Variants in ZNF177 observed in about 807,000 individuals in gnomAD.
ZNF177 encodes zinc finger protein 177.
In ZNF177, 17 loss-of-function variants were observed where a neutral mutation model predicts 19.4. That is an observed-to-expected ratio of 0.87 (90% confidence interval 0.60 to 1.31). The LOEUF (loss-of-function observed/expected upper bound fraction) is 1.31. Among genes scored for constraint, ZNF177 ranks in the 40% most tolerant of loss-of-function variants. ZNF177 has a pLI of 0.00. For missense variants in ZNF177, 633 were observed against 561.8 expected, an observed-to-expected ratio of 1.13 and a Z score of -1.28; for synonymous variants, 220 against 188.7, an observed-to-expected ratio of 1.17 and a Z score of -1.36.
At chr19:9,372,540 CTTTTTT>C (rs61321271), upstream of ZNF177, among the ~76,000 whole-genome samples, 3 of 84,572 alleles carry the variant, frequency 3.5e-5, no homozygotes, top group South Asian at 4.7e-4. Flanking sequence ...CTTTCTTTTC[CTTTTTT>C]TTTTTTTTTT....
At chr19:9,369,029 A>G (rs1357786431) in intron 2 of ZNF177, among the ~76,000 whole-genome samples, 1 of 152,090 alleles carries the variant, frequency 6.6e-6, no homozygotes, top group Non-Finnish European at 1.5e-5. Flanking sequence ...GATGTTTTAT[A>G]TACCAAATTT....
upstream of ZNF177, among the ~76,000 whole-genome samples, chr19:9,372,823 A>T (rs2122518953): frequency 6.6e-6 from 1 of 152,244 alleles, no homozygotes; most frequent in Non-Finnish European, 1.5e-5. Flanking sequence ...CTGAGATGAC[A>T]GGCGTGAGCC....
Position 9,380,152 on chromosome 19 carries a change from A to AG in ZNF177, c.336+15dup. The AG allele has an allele frequency of 1.9e-6, 3 of 1,599,692 alleles. No homozygotes were observed. Among genetic ancestry groups the AG allele is most frequent in the Non-Finnish European group, 1.7e-6 (2 of 1,176,422 alleles). ...TGGCATAAACACGGTAAGACTTACT[A>AG]GGAAGTATTCCTGGTCTTTGTAGTA... On this transcript the variant is annotated intron_variant, in intron 5 of 5. Transcript: ENST00000589262.
rs1049648983 is a variant in ZNF177, at chr19:9,380,512, A to G, written c.337-156A>G. The G allele has an allele frequency of 1.6e-5, 24 of 1,460,242 alleles. No homozygotes were observed. The African/African-American group carries it at 3.2e-4, about 20-fold the overall frequency. 90.5% of individuals were successfully genotyped at this position (1,460,242 alleles called of 1,614,324 possible). A position where few individuals can be genotyped will look rare whatever the true frequency, so the allele number is the denominator to read the frequency against. On this transcript the variant is annotated intron_variant, in intron 5 of 5. Coordinates refer to ENST00000589262, the Ensembl canonical transcript of ZNF177. ...GAGCTTATTCAACTCGAAAAAGCTAATAGGGCAAAAGTCATACGCACCTAC... is the reference window on the plus strand; with the variant it reads ...GAGCTTATTCAACTCGAAAAAGCTAGTAGGGCAAAAGTCATACGCACCTAC...
upstream of ZNF177, among the ~76,000 whole-genome samples, chr19:9,375,748 G>A (rs796220664): frequency 9.2e-5 from 14 of 151,816 alleles, no homozygotes; most frequent in African/African-American, 3.4e-4. Context: ...GGTTTTTGTT[G>A]GTTTATCTTT....
At chr19:9,379,584 C>T (rs767532587) in exon 4 of ZNF177, 4 of 1,613,916 alleles carry the variant, frequency 2.5e-6, no homozygotes, top group Non-Finnish European at 2.5e-6. Flanking sequence ...CAGCTGAAGA[C>T]AGATGAAAGA....
At position 9,367,423 on chromosome 19, in the gene ZNF177, T is replaced by A. The variant is rs576166811; in HGVS notation, c.-305+2475T>A. ...AATCATTATGTGATACTGGTTTTTA[T>A]CACTTTGAGTTGATCATACAATTTT... On this transcript the variant is annotated intron_variant, in intron 2 of 8. Coordinates refer to the ZNF177 transcript ENST00000343499. 7.3e-4 allele frequency among the ~76,000 whole-genome samples: 111 copies of A among 152,364 alleles called. 2 individuals carry two copies. The highest frequency in any genetic ancestry group is 2.4e-3 in the African/African-American group (100 of 41,600).
intron 1 of ZNF177, among the ~76,000 whole-genome samples, chr19:9,363,909 A>G (rs568030704): frequency 6.6e-6 from 1 of 152,322 alleles, no homozygotes; most frequent in East Asian, 1.9e-4. Context: ...TCCAGGTCTC[A>G]GAAAGAAAGC....
chr19:9,380,776 A>G lies in ZNF177; in HGVS notation c.445A>G (p.Lys149Glu), dbSNP rs548446770. The G allele has an allele frequency of 6.5e-7, 1 of 1,536,024 alleles. No individual in the cohort carries two copies. The highest frequency in any genetic ancestry group is 2.0e-5 in the Admixed American group (1 of 50,988). ...ATATTGCAAGGGAGAGAAATGCTATAAATATATAAAGTATAGCAAAGTCTT... is the reference window on the plus strand; with the variant it reads ...ATATTGCAAGGGAGAGAAATGCTATGAATATATAAAGTATAGCAAAGTCTT... The change falls in exon 6 of 6, where the codon AAA (lysine) becomes GAA (glutamate). Residue 149 changes from lysine (K) to glutamate (E), a missense_variant. Lys to Glu is a moderately conservative substitution (Grantham distance 56, BLOSUM62 1). Transcript: ENST00000589262.
At chr19:9,367,773 C>G (rs1045083503) in intron 2 of ZNF177, among the ~76,000 whole-genome samples, 17 of 151,946 alleles carry the variant, frequency 1.1e-4, no homozygotes, top group Admixed American at 1.1e-3. Flanking sequence ...TATTTTTTTC[C>G]CTTGTAATAT....
upstream of ZNF177, among the ~76,000 whole-genome samples, chr19:9,374,249 C>G (rs1039648160): frequency 1.6e-4 from 24 of 152,164 alleles, no homozygotes; most frequent in African/African-American, 5.8e-4. Context: ...TATTCTGTTA[C>G]ATTTGTCTCC....
upstream of ZNF177, among the ~76,000 whole-genome samples, chr19:9,373,967 CTT>C (rs1327312784): frequency 6.6e-6 from 1 of 151,704 alleles, no homozygotes; most frequent in African/African-American, 2.4e-5. Flanking sequence ...GGTGTCAACT[CTT>C]TAAAAAAAAA....
At chr19:9,369,628 C>T (rs78380730) in intron 2 of ZNF177, among the ~76,000 whole-genome samples, 9,231 of 151,320 alleles carry the variant, frequency 0.061, 680 homozygotes, top group African/African-American at 0.18. Context: ...TACCATCTTA[C>T]ATTTTACATT....
chr19:9,378,464 C>G (rs2068143086), intron 2 of ZNF177, 120 bp downstream of exon 4: 1 of 1,445,780 alleles, frequency 6.9e-7, no homozygotes, highest in African/African-American at 1.4e-5. Context: ...TCCGCAGCTC[C>G]CAGGCTGCTT....
chr19:9,374,250 A>G (rs1465985670), upstream of ZNF177, among the ~76,000 whole-genome samples: 1 of 151,970 alleles, frequency 6.6e-6, no homozygotes, highest in South Asian at 2.1e-4. Context: ...ATTCTGTTAC[A>G]TTTGTCTCCG....
chr19:9,378,217 C>G (rs982038898), intron 1 of ZNF177, 42 bp from the exon 4 acceptor site: 5 of 1,539,016 alleles, frequency 3.2e-6, no homozygotes, highest in African/African-American at 1.4e-5. Flanking sequence ...TGTTGAACAT[C>G]TAGCAGGCCT....
At chr19:9,367,364 C>T (rs1028087511) in intron 2 of ZNF177, among the ~76,000 whole-genome samples, 6 of 151,742 alleles carry the variant, frequency 4.0e-5, no homozygotes, top group African/African-American at 9.7e-5. Context: ...AAATTCAGCC[C>T]GAAAGTTTTC....
chr19:9,379,866 C>T (rs1268204195), intron 4 of ZNF177, among the ~76,000 whole-genome samples, 191 bp from the exon 7 acceptor site: 1 of 150,648 alleles, frequency 6.6e-6, no homozygotes, highest in Non-Finnish European at 1.5e-5. Flanking sequence ...CTCCACAATC[C>T]TTTCTAACTA....
intron 2 of ZNF177, among the ~76,000 whole-genome samples, chr19:9,367,734 G>A (rs1219503609): frequency 3.3e-5 from 5 of 152,098 alleles, no homozygotes; most frequent in Admixed American, 2.0e-4. Flanking sequence ...AAGTTAAACT[G>A]TTTTGTGAAA....
Sources: gnomAD v4.1 joint callset for allele counts (sites outside exome capture counted in the v4.1 genomes callset) on GRCh38, gnomAD v4.1.1 for gene constraint, MANE v1.5 for transcripts, NCBI Gene and HGNC (gene_info 2026-07-23, HGNC 2026-07-21) for gene names.